EPS8L1: variants seen among roughly 807,000 people sequenced by gnomAD.
EPS8L1 encodes the protein epidermal growth factor receptor kinase substrate 8-like protein 1.
In EPS8L1, 101 loss-of-function variants were observed where a neutral mutation model predicts 91.7. The observed-to-expected ratio is 1.10, with a 90% CI of 0.94 to 1.30. The LOEUF (loss-of-function observed/expected upper bound fraction) is 1.30, where lower values mean the gene tolerates loss of function less well. Among genes scored for constraint, EPS8L1 ranks in the 50% most tolerant of loss-of-function variants. The pLI, the probability that EPS8L1 is intolerant of heterozygous loss-of-function variation, is 0.00. For missense variants in EPS8L1, 1,114 were observed against 1,017.0 expected (o/e 1.10, Z -1.30); for synonymous variants, 506 against 445.3 (o/e 1.14, Z -1.72).
In EPS8L1 at chr19:55,081,085, C is replaced by T. The variant is rs2076247653; in HGVS notation, c.513-146C>T. 7.6e-6 allele frequency: 8 copies of T among 1,058,492 alleles called. No homozygotes were observed. The South Asian group carries it at 1.2e-4, about 16-fold the overall frequency. The allele number at this position is 1,058,492 out of a possible 1,614,324, so 65.6% of individuals were successfully genotyped here. A position where few individuals can be genotyped will look rare whatever the true frequency, so the allele number is the denominator to read the frequency against. On this transcript the variant is annotated intron_variant, in intron 7 of 19. Transcript: ENST00000201647. The surrounding 1 kb of genome is among the most constrained non-coding windows in gnomAD (Gnocchi z 4.9). Reference sequence around the variant, plus strand: ...TCACTCTAGAGAGGTGCTATCCCTCCGTATATCGGATTTCTCCCTACCTCG... The same window carrying T: ...TCACTCTAGAGAGGTGCTATCCCTCTGTATATCGGATTTCTCCCTACCTCG...
At position 55,083,493 on chromosome 19, in the gene EPS8L1, C is replaced by T. The variant is rs771578829; in HGVS notation, c.1330C>T (p.Leu444=). 93 of 1,611,952 alleles carry T rather than the reference C, an allele frequency of 5.8e-5. No homozygotes were observed. The highest frequency in any genetic ancestry group is 7.2e-5 in the Non-Finnish European group (85 of 1,179,538). The part of the protein sequence containing the change: ...RAWEDPVEKQ[L]QHERRRRQQS... ...CTGGGAGGACCCAGTTGAGAAACAGCTACAGCACGAGCGGAGGCGCCGGCA... is the reference window on the plus strand; with the variant it reads ...CTGGGAGGACCCAGTTGAGAAACAGTTACAGCACGAGCGGAGGCGCCGGCA... The change falls in exon 13 of 20, where the codon CTA becomes TTA. Residue 444 remains leucine, a synonymous_variant. Coordinates refer to ENST00000201647, the MANE Select transcript of EPS8L1 (RefSeq NM_133180.3). This position sits in a 1 kb window ranked among gnomAD's most constrained non-coding sequence, Gnocchi z 4.7.
chr19:55,086,158 G>C lies in EPS8L1; in HGVS notation c.1616G>C (p.Arg539Pro). The C allele has an allele frequency of 6.2e-7, 1 of 1,604,686 alleles. No individual in the cohort carries two copies. Among genetic ancestry groups the C allele is most frequent in the Non-Finnish European group, 8.5e-7 (1 of 1,174,822 alleles). ...YNILTPYPGP[R>P]LHHSQSPARS... is the part of the protein sequence containing the mutation. ...ATCCTGACACCCTACCCCGGACCCCGGCTGCACCACAGCCAAAGCCCTGCC... is the reference window on the plus strand; with the variant it reads ...ATCCTGACACCCTACCCCGGACCCCCGCTGCACCACAGCCAAAGCCCTGCC... Residue 539 changes from arginine to proline, a missense_variant, in exon 16 of 20, where the codon CGG becomes CCG. Arg to Pro is a moderately radical substitution (Grantham distance 103). Coordinates refer to ENST00000201647, the MANE Select transcript of EPS8L1 (RefSeq NM_133180.3).
Position 55,087,352 on chromosome 19 carries a change from CAGA to C in EPS8L1, c.2005_2007del (p.Lys669del), listed in dbSNP as rs2076363977. On this transcript the variant is annotated inframe_deletion, in exon 19 of 20. Transcript: ENST00000201647. ...GACCGGGGCGCAGCTTTTCTCGCTG[CAGA>C]AGGAGGAGCTGCGGGCGGTGAGCCC... 2.5e-6 allele frequency: 4 copies of C among 1,612,684 alleles called. No individual in the cohort carries two copies. The African/African-American group carries it at 4.0e-5, about 16-fold the overall frequency.
chr19:55,084,071 G>A, intron 14 of EPS8L1: 1 of 342,926 alleles, frequency 2.9e-6, no homozygotes. Flanking sequence ...TTTGGGTTTT[G>A]AAGAAGAGCC....
At chr19:55,082,008 C>T (rs1355680844) in intron 9 of EPS8L1, 84 bp from the exon 10 acceptor site, 24 of 1,551,014 alleles carry the variant, frequency 1.5e-5, no homozygotes, top group Non-Finnish European at 2.1e-5. Flanking sequence ...GACCTCACCG[C>T]CATCTTAACC....
intron 18 of EPS8L1, 134 bp downstream of exon 18, chr19:55,087,022 G>A: frequency 8.1e-7 from 1 of 1,242,062 alleles, no homozygotes; most frequent in Non-Finnish European, 1.1e-6. Flanking sequence ...GTGAGGGTCT[G>A]TCTGGTAGCA....
At position 55,081,198 on chromosome 19, in the gene EPS8L1, A is replaced by T; in HGVS notation, c.513-33A>T. 6.7e-7 allele frequency: 1 copy of T among 1,485,672 alleles called. No homozygotes were observed. The highest frequency in any genetic ancestry group is 8.9e-7 in the Non-Finnish European group (1 of 1,127,698). The allele number at this position is 1,485,672 out of a possible 1,614,324, so 92.0% of individuals were successfully genotyped here. On this transcript the variant is annotated intron_variant, in intron 7 of 19. Coordinates refer to ENST00000201647, the MANE Select transcript of EPS8L1 (RefSeq NM_133180.3). This position sits in a 1 kb window ranked among gnomAD's most constrained non-coding sequence, Gnocchi z 4.9. ...TCCCCCTCCCTGGACCCCTCAGTGG[A>T]CCCAGTCTTGGTGTCCCCGTCGCCC...
At position 55,086,450 on chromosome 19, in the gene EPS8L1, G is replaced by A. The variant is rs778351142; in HGVS notation, c.1709G>A (p.Arg570Gln). The A allele has an allele frequency of 2.1e-5, 32 of 1,552,694 alleles. No individual in the cohort carries two copies. The South Asian group carries it at 3.7e-4, about 18-fold the overall frequency. ...PAPAPPPALA[R>Q]PRWDRPRWDS... ...CCGGCCCCACCTCCAGCTCTGGCTC[G>A]GCCCCGCTGGGACAGGCCCCGCTGG... The change falls in exon 17 of 20, where the codon CGG becomes CAG. Residue 570 changes from arginine to glutamine, a missense_variant. Coordinates refer to ENST00000201647, the MANE Select transcript of EPS8L1 (RefSeq NM_133180.3).
Position 55,083,788 on chromosome 19 carries a change from CG to C in EPS8L1, c.1385+147del. 5.2e-6 allele frequency: 1 copy of C among 191,758 alleles called. No individual in the cohort carries two copies. Among genetic ancestry groups the C allele is most frequent in the Non-Finnish European group, 9.7e-6 (1 of 103,388 alleles). 11.9% of individuals were successfully genotyped at this position (191,758 alleles called of 1,614,324 possible). ...TCAGGTGGGTGAGATGGTGATGGGG[CG>C]GGCCGGGGCTGGGAGAGAGGGAGGA... On this transcript the variant is annotated intron_variant, in intron 14 of 19. Transcript: ENST00000201647. This position sits in a 1 kb window ranked among gnomAD's most constrained non-coding sequence, Gnocchi z 4.7.
Position 55,086,487 on chromosome 19 carries a change from T to G in EPS8L1, c.1746T>G (p.Asp582Glu). 6.4e-7 allele frequency: 1 copy of G among 1,551,540 alleles called. No individual in the cohort carries two copies. The highest frequency in any genetic ancestry group is 8.7e-7 in the Non-Finnish European group (1 of 1,146,984). ...ACAGGCCCCGCTGGGACAGCTGCGA[T>G]AGCCTCAACGGCTTGGACCCCAGCG... ...RWDRPRWDSCDSLNGLDPSEK... is the reference protein window; with the variant it reads ...RWDRPRWDSCESLNGLDPSEK... The change falls in exon 17 of 20, where the codon GAT becomes GAG. Residue 582 changes from aspartate to glutamate, a missense_variant. By Grantham distance (45) the Asp-to-Glu change is conservative. Coordinates refer to ENST00000201647, the MANE Select transcript of EPS8L1 (RefSeq NM_133180.3).
At chr19:55,087,042 G>A in intron 18 of EPS8L1, 154 bp downstream of exon 18, 1 of 1,116,924 alleles carries the variant, frequency 9.0e-7, no homozygotes, top group Non-Finnish European at 1.2e-6. Context: ...AACACCCAAT[G>A]GCAGGCTGTG....
chr19:55,078,249 G>A, intron 3 of EPS8L1, 121 bp downstream of exon 3: 1 of 664,424 alleles, frequency 1.5e-6, no homozygotes. Context: ...AGAGGGAAGA[G>A]GTGCTGGGGG....
intron 5 of EPS8L1, 84 bp downstream of exon 5, chr19:55,079,935 C>T: frequency 6.7e-7 from 1 of 1,485,890 alleles, no homozygotes; most frequent in Non-Finnish European, 9.0e-7. Flanking sequence ...CCTGCACGTC[C>T]TTCCTCTGGG....
At position 55,077,584 on chromosome 19, in the gene EPS8L1, C is replaced by CTTTT. The variant is rs35750835; in HGVS notation, c.18-484_18-481dup. ...AGCACCACCGCCTGACCTGACCTGT[C>CTTTT]TTTTTTTTTTTTTTTTTTTTTTTGA... On this transcript the variant is annotated intron_variant, in intron 2 of 19. Transcript: ENST00000201647. Among the ~76,000 whole-genome samples, 192 of 76,884 alleles carry CTTTT rather than the reference C, an allele frequency of 2.5e-3. 4 individuals carry two copies. Among genetic ancestry groups the CTTTT allele is most frequent in the Middle Eastern group, 0.02 (2 of 98 alleles). The allele number at this position is 76,884 out of a possible 152,430, so 50.4% of individuals were successfully genotyped here.
chr19:55,087,744 C>T lies in EPS8L1; in HGVS notation c.*130C>T. On this transcript the variant is annotated 3_prime_UTR_variant, in exon 20 of 20. Coordinates refer to ENST00000201647, the MANE Select transcript of EPS8L1 (RefSeq NM_133180.3). ...GCTCCGGCCCTGGTCTTCCCCCATC[C>T]CGGTGGACAGACTTAACGATCCTTG... is the stretch of plus-strand genomic sequence containing the variant. 1 of 937,356 alleles carries T rather than the reference C, an allele frequency of 1.1e-6. No homozygotes were observed. The highest frequency in any genetic ancestry group is 1.6e-5 in the African/African-American group (1 of 61,524). The allele number at this position is 937,356 out of a possible 1,614,324, so 58.1% of individuals were successfully genotyped here.
In EPS8L1 at chr19:55,083,531, G is replaced by C; in HGVS notation, c.1356+12G>C. The C allele has an allele frequency of 6.2e-7, 1 of 1,607,346 alleles. No homozygotes were observed. Among genetic ancestry groups the C allele is most frequent in the East Asian group, 2.2e-5 (1 of 44,694 alleles). On this transcript the variant is annotated intron_variant, in intron 13 of 19. Coordinates refer to ENST00000201647, the MANE Select transcript of EPS8L1 (RefSeq NM_133180.3). This position sits in a 1 kb window ranked among gnomAD's most constrained non-coding sequence, Gnocchi z 4.7. Reference sequence around the variant, plus strand: ...GGAGGCGCCGGCAGGTGACCCAAGCGACACAGCAGGGCCGAGGCTGGGAAG... The same window carrying C: ...GGAGGCGCCGGCAGGTGACCCAAGCCACACAGCAGGGCCGAGGCTGGGAAG...
intron 16 of EPS8L1, 64 bp from the exon 17 acceptor site, chr19:55,086,328 A>G: frequency 6.2e-7 from 1 of 1,606,338 alleles, no homozygotes; most frequent in Non-Finnish European, 8.5e-7. Context: ...ATCTCCAGAA[A>G]GGGGAGAGGC....
Position 55,081,425 on chromosome 19 carries a change from A to T in EPS8L1, c.707A>T (p.Asp236Val). 2 of 1,600,808 alleles carry T rather than the reference A, an allele frequency of 1.2e-6. No individual in the cohort carries two copies. The highest frequency in any genetic ancestry group is 1.7e-6 in the Non-Finnish European group (2 of 1,175,158). ...CCGGTGGGGACCTCGAGCAACGCTG[A>T]CTCGGCCTCCCCGGACCTGGGTCCC... Reference protein sequence around the residue: ...PEPVGTSSNADSASPDLGPRG... With the variant: ...PEPVGTSSNAVSASPDLGPRG... The change falls in exon 8 of 20, where the codon GAC becomes GTC. Residue 236 changes from aspartate to valine, a missense_variant. Physicochemically the swap from Asp to Val is radical, Grantham distance 152. Transcript: ENST00000201647. The surrounding 1 kb of genome is among the most constrained non-coding windows in gnomAD (Gnocchi z 4.9).
At position 55,085,960 on chromosome 19, in the gene EPS8L1, G is replaced by C; in HGVS notation, c.1505G>C (p.Arg502Pro). 3 of 1,613,416 alleles carry C rather than the reference G, an allele frequency of 1.9e-6. No homozygotes were observed. The highest frequency in any genetic ancestry group is 2.5e-6 in the Non-Finnish European group (3 of 1,179,454). ...AGCAGTGAGCTGTCGGTCAAGCAGCGGGACGTACTGGAGGTTAGAGGAGCG... is the reference window on the plus strand; with the variant it reads ...AGCAGTGAGCTGTCGGTCAAGCAGCCGGACGTACTGGAGGTTAGAGGAGCG... The part of the protein sequence containing the change: ...RNSSELSVKQ[R>P]DVLEVLDDSR... The change falls in exon 15 of 20, where the codon CGG becomes CCG. Residue 502 changes from arginine (R) to proline (P), a missense_variant. By Grantham distance (103) the Arg-to-Pro change is moderately radical. Transcript: ENST00000201647.
Sources: allele counts gnomAD v4.1 joint callset (sites outside exome capture counted in the v4.1 genomes callset), GRCh38; gene constraint gnomAD v4.1.1; non-coding constraint Gnocchi (gnomAD v3.1); transcripts MANE v1.5; gene names NCBI Gene and HGNC (gene_info 2026-07-23, HGNC 2026-07-21).